DPYD: variants seen among roughly 807,000 people sequenced by gnomAD.
DPYD encodes the protein dihydropyrimidine dehydrogenase [NADP(+)].
In DPYD, 109 loss-of-function variants were observed where a neutral mutation model predicts 116.2. The ratio of observed to expected loss-of-function variants is 0.94; its 90% CI spans 0.80 to 1.10. The LOEUF (loss-of-function observed/expected upper bound fraction) is 1.10, where lower values mean the gene tolerates loss of function less well. DPYD is among the 50% of genes least tolerant of loss of function. The pLI, the probability that DPYD is intolerant of heterozygous loss-of-function variation, is 0.00. For synonymous variants in DPYD, 440 were observed against 432.0 expected, an observed-to-expected ratio of 1.02 and a Z score of -0.23; for missense variants, 1,302 against 1,254.5, an observed-to-expected ratio of 1.04 and a Z score of -0.57.
chr1:97,429,375 A>C lies in DPYD; in HGVS notation c.1905+20684T>G, dbSNP rs1288518652. ...TAAATCAATAGTGTATCTGTAAATAAATTTTTACTTAAGAAATAACTTCAG... is the reference window on the plus strand; with the variant it reads ...TAAATCAATAGTGTATCTGTAAATACATTTTTACTTAAGAAATAACTTCAG... On this transcript the variant is annotated intron_variant, in intron 14 of 22. Transcript: ENST00000370192. Among the ~76,000 whole-genome samples, 7 of 152,108 alleles carry C rather than the reference A, an allele frequency of 4.6e-5. No individual in the cohort carries two copies. In the East Asian group the frequency reaches 1.3e-3, roughly 29 times the overall value.
chr1:97,724,160 C>T (rs1663076843), intron 4 of DPYD, among the ~76,000 whole-genome samples: 1 of 151,528 alleles, frequency 6.6e-6, no homozygotes, highest in African/African-American at 2.4e-5. Flanking sequence ...AAGGCCTCTA[C>T]AAAAACCCAC....
intron 19 of DPYD, among the ~76,000 whole-genome samples, chr1:97,208,543 C>G (rs1659820241): frequency 6.6e-6 from 1 of 152,102 alleles, no homozygotes; most frequent in Admixed American, 6.6e-5. Flanking sequence ...GCCTCAGCCT[C>G]CCAAGGATTG....
chr1:97,710,931 C>CAT (rs1363660829), intron 5 of DPYD, among the ~76,000 whole-genome samples: 2 of 151,538 alleles, frequency 1.3e-5, no homozygotes, highest in Admixed American at 6.6e-5. Context: ...ATAAAAAAAA[C>CAT]ATATATATAT....
At chr1:97,225,681 GTTGA>G (rs1661109101) in intron 19 of DPYD, among the ~76,000 whole-genome samples, 1 of 148,918 alleles carries the variant, frequency 6.7e-6, no homozygotes, top group South Asian at 2.1e-4. Context: ...TTTTCATCTT[GTTGA>G]TTGCTTCCTT....
intron 18 of DPYD, among the ~76,000 whole-genome samples, chr1:97,285,547 AAAG>A (rs1322623382): frequency 1.3e-5 from 2 of 152,242 alleles, no homozygotes; most frequent in Non-Finnish European, 2.9e-5. Context: ...TAGGAGTAGT[AAAG>A]AAGGACTACT....
intron 20 of DPYD, among the ~76,000 whole-genome samples, chr1:97,136,988 T>G (rs1653857316): frequency 1.3e-5 from 2 of 152,200 alleles, no homozygotes; most frequent in African/African-American, 4.8e-5. Context: ...ATCTCCTTAT[T>G]CCATCACTGT....
At position 97,078,933 on chromosome 1, in the gene DPYD, G is replaced by A. The variant is rs902088385; in HGVS notation, c.*43C>T. ...TCATGATTTTAAAAGATCAGCATAT[G>A]TAGGTGACATGAAAGTTCACAGCAA... On this transcript the variant is annotated 3_prime_UTR_variant, in exon 23 of 23. Coordinates refer to ENST00000370192, the MANE Select transcript of DPYD (RefSeq NM_000110.4). The A allele has an allele frequency of 6.2e-7, 1 of 1,602,084 alleles. No individual in the cohort carries two copies. Among genetic ancestry groups the A allele is most frequent in the African/African-American group, 1.3e-5 (1 of 74,716 alleles).
At chr1:97,304,655 A>C (rs1667053542) in intron 18 of DPYD, among the ~76,000 whole-genome samples, 1 of 152,010 alleles carries the variant, frequency 6.6e-6, no homozygotes, top group Non-Finnish European at 1.5e-5. Context: ...TTGCAAGACC[A>C]AGTTCATGTT....
At chr1:97,606,120 G>A (rs1655579182) in intron 8 of DPYD, among the ~76,000 whole-genome samples, 1 of 151,934 alleles carries the variant, frequency 6.6e-6, no homozygotes, top group South Asian at 2.1e-4. Flanking sequence ...CTGGAAACCA[G>A]CTTGATGTTT....
intron 1 of DPYD, among the ~76,000 whole-genome samples, chr1:97,909,632 C>G (rs1235534633): frequency 6.6e-6 from 1 of 151,990 alleles, no homozygotes; most frequent in Non-Finnish European, 1.5e-5. Context: ...ACCCTCCCAA[C>G]AGCAGACAAG....
chr1:97,099,591 T>C (rs1027977914), intron 20 of DPYD, among the ~76,000 whole-genome samples: 1 of 152,078 alleles, frequency 6.6e-6, no homozygotes, highest in Non-Finnish European at 1.5e-5. Context: ...GCCTGTAACC[T>C]GGAATTGGTA....
intron 16 of DPYD, among the ~76,000 whole-genome samples, chr1:97,326,901 A>G (rs1407122934): frequency 1.3e-5 from 2 of 152,052 alleles, no homozygotes; most frequent in Non-Finnish European, 2.9e-5. Flanking sequence ...AGTTCTCACA[A>G]TTAGAACTAA....
chr1:97,597,874 G>A (rs1191616428), intron 8 of DPYD, among the ~76,000 whole-genome samples: 1 of 152,032 alleles, frequency 6.6e-6, no homozygotes, highest in Admixed American at 6.6e-5. Context: ...TTTTTCTGGA[G>A]AACCCTGAAA....
intron 1 of DPYD, among the ~76,000 whole-genome samples, chr1:97,917,822 A>G (rs768807400): frequency 3.3e-5 from 5 of 152,314 alleles, no homozygotes; most frequent in Non-Finnish European, 7.4e-5. Context: ...TTCAAAGTCT[A>G]TTCTCATTAT....
chr1:97,681,973 C>A (rs1478723042), intron 7 of DPYD, among the ~76,000 whole-genome samples: 2 of 152,090 alleles, frequency 1.3e-5, no homozygotes, highest in African/African-American at 2.4e-5. Flanking sequence ...TTCAAGAAGA[C>A]CTCCCATCCT....
chr1:97,582,537 CTTATT>C (rs959635277), intron 10 of DPYD, among the ~76,000 whole-genome samples: 10 of 152,136 alleles, frequency 6.6e-5, no homozygotes, highest in South Asian at 4.2e-4. Context: ...TAATTTTTGA[CTTATT>C]TTATTTTGAG....
rs1330153183 is a variant in DPYD, at chr1:97,800,185, T to C, written c.233+27929A>G. 4.6e-5 allele frequency among the ~76,000 whole-genome samples: 7 copies of C among 152,120 alleles called. 1 individual carries two copies. In the South Asian group the frequency reaches 8.3e-4, roughly 18 times the overall value. The stretch of plus-strand genomic sequence containing the variant: ...GTGTCACAAGAATTGAGTAAATATA[T>C]GTAAAATATTTAGAAAAGTTGTTTG... On this transcript the variant is annotated intron_variant, in intron 3 of 22. Coordinates refer to ENST00000370192, the MANE Select transcript of DPYD (RefSeq NM_000110.4).
At chr1:97,907,362 T>C (rs750211986) in intron 1 of DPYD, among the ~76,000 whole-genome samples, 5 of 152,108 alleles carry the variant, frequency 3.3e-5, no homozygotes, top group Non-Finnish European at 4.4e-5. Context: ...ATCTGGAAGT[T>C]AAGCAACTTC....
chr1:97,438,015 T>C (rs1189551587), intron 14 of DPYD, among the ~76,000 whole-genome samples: 1 of 152,054 alleles, frequency 6.6e-6, no homozygotes, highest in African/African-American at 2.4e-5. Context: ...TTTTGCATCT[T>C]TGTCAAAAAT....
Sources: gnomAD v4.1 joint callset for allele counts (sites outside exome capture counted in the v4.1 genomes callset) on GRCh38, gnomAD v4.1.1 for gene constraint, MANE v1.5 for transcripts, NCBI Gene and HGNC (gene_info 2026-07-23, HGNC 2026-07-21) for gene names.